The following CHST12 variants were observed in gnomAD, a reference collection of about 807,000 sequenced individuals.
CHST12 encodes the protein carbohydrate sulfotransferase 12, also known as carbohydrate (chondroitin 4) sulfotransferase 12.
In CHST12, 23 loss-of-function variants were observed where a neutral mutation model predicts 27.9. The ratio of observed to expected loss-of-function variants is 0.82; its 90% CI spans 0.59 to 1.17. CHST12 has a LOEUF of 1.17. Ranked by LOEUF, CHST12 falls within the 50% of genes most tolerant of loss-of-function variation. The pLI is 0.00. For missense variants in CHST12, 682 were observed against 603.0 expected, an observed-to-expected ratio of 1.13 and a Z score of -1.37; for synonymous variants, 322 against 273.0, an observed-to-expected ratio of 1.18 and a Z score of -1.77.
rs1366490517 is a variant in CHST12, at chr7:2,438,124, C to T, written c.*4240C>T. 3 of 152,320 alleles carry T rather than the reference C, an allele frequency of 2.0e-5. No homozygotes were observed. The highest frequency in any genetic ancestry group is 7.2e-5 in the African/African-American group (3 of 41,460). 9.4% of individuals were successfully genotyped at this position (152,320 alleles called of 1,614,324 possible). On this transcript the variant is annotated 3_prime_UTR_variant, in exon 2 of 2. Coordinates refer to ENST00000618655, the MANE Select transcript of CHST12 (RefSeq NM_018641.5). ...CTGCTTCCTGGTGCAGACCAGGTCT[C>T]CCCAGAGGGACCCTCCTGAGCTGAG...
At chr7:2,422,866 C>CT (rs576927497) in intron 1 of CHST12, among the ~76,000 whole-genome samples, 1,762 of 136,902 alleles carry the variant, frequency 0.013, 9 homozygotes, top group African/African-American at 0.02. Flanking sequence ...TTCAGAAAAC[C>CT]TTTTTTTTTT....
At chr7:2,416,192 C>G (rs1056147324) in intron 1 of CHST12, among the ~76,000 whole-genome samples, 2 of 152,186 alleles carry the variant, frequency 1.3e-5, no homozygotes, top group Non-Finnish European at 2.9e-5. Flanking sequence ...TCGTAAGAAG[C>G]AACTCTTCAT....
intron 1 of CHST12, among the ~76,000 whole-genome samples, chr7:2,424,585 G>A (rs145289402): frequency 3.3e-5 from 5 of 152,088 alleles, no homozygotes; most frequent in East Asian, 1.9e-4. Flanking sequence ...CGGGCAATCC[G>A]CCTGTTTGTG....
Position 2,437,236 on chromosome 7 carries a change from G to A in CHST12, c.*3352G>A, listed in dbSNP as rs1447522456. ...AGAATGACTTGGTTGGGTGCGGGGT[G>A]GTGTCACAAAGCCCTGTCTCTTGTG... On this transcript the variant is annotated 3_prime_UTR_variant, in exon 2 of 2. Coordinates refer to ENST00000618655, the MANE Select transcript of CHST12 (RefSeq NM_018641.5). The A allele has an allele frequency of 2.0e-5, 3 of 152,258 alleles. No homozygotes were observed. The highest frequency in any genetic ancestry group is 2.9e-5 in the Non-Finnish European group (2 of 68,080). The allele number at this position is 152,258 out of a possible 1,614,324, so 9.4% of individuals were successfully genotyped here. A position where few individuals can be genotyped will look rare whatever the true frequency, so the allele number is the denominator to read the frequency against.
intron 1 of CHST12, chr7:2,404,267 G>A (rs1781461793): frequency 1.3e-5 from 2 of 152,338 alleles, no homozygotes; most frequent in Admixed American, 1.3e-4. Flanking sequence ...TGCCCCTCTG[G>A]GAGAGGAAAC....
intron 1 of CHST12, among the ~76,000 whole-genome samples, chr7:2,422,505 A>T (rs2115417662): frequency 1.3e-5 from 2 of 151,408 alleles, no homozygotes; most frequent in Middle Eastern, 6.8e-3. Flanking sequence ...TCGGCCTCCC[A>T]AGGTTCTGGG....
rs965889394 is a variant in CHST12 at position 2,441,771 on chromosome 7, G to T, written c.*7887G>T. The T allele has an allele frequency of 2.7e-5, 4 of 149,852 alleles. No individual in the cohort carries two copies. Among genetic ancestry groups the T allele is most frequent in the Non-Finnish European group, 5.9e-5 (4 of 67,532 alleles). The allele number at this position is 149,852 out of a possible 1,614,324, so 9.3% of individuals were successfully genotyped here. Reference sequence around the variant, plus strand: ...GTTTAGAAGAGTGGGTTTCTCATAAGAAAAAAAAGAAAAAGGTTGACCTTG... The same window carrying T: ...GTTTAGAAGAGTGGGTTTCTCATAATAAAAAAAAGAAAAAGGTTGACCTTG... On this transcript the variant is annotated 3_prime_UTR_variant, in exon 2 of 2. Coordinates refer to ENST00000618655, the MANE Select transcript of CHST12 (RefSeq NM_018641.5).
chr7:2,407,354 G>A (rs2115380443), intron 1 of CHST12, among the ~76,000 whole-genome samples: 1 of 152,142 alleles, frequency 6.6e-6, no homozygotes, highest in South Asian at 2.1e-4. Flanking sequence ...AGGCTGAGGT[G>A]GGAGGATCAC....
At position 2,417,858 on chromosome 7, in the gene CHST12, G is replaced by A. The variant is rs115129575; in HGVS notation, c.-78+14185G>A. 4.2e-3 allele frequency among the ~76,000 whole-genome samples: 634 copies of A among 152,334 alleles called. 5 individuals carry two copies. The highest frequency in any genetic ancestry group is 0.015 in the African/African-American group (618 of 41,570). ...TTAACCAAATATCTGGGTACCCCAC[G>A]GCCCAGTCCAGTTGACACATAAAAT... On this transcript the variant is annotated intron_variant, in intron 1 of 1. Transcript: ENST00000618655.
chr7:2,425,665 T>G (rs993407720), intron 1 of CHST12, among the ~76,000 whole-genome samples: 1 of 150,334 alleles, frequency 6.7e-6, no homozygotes, highest in Non-Finnish European at 1.5e-5. Flanking sequence ...GTGTGTGTGT[T>G]CAAATGCAAA....
intron 1 of CHST12, among the ~76,000 whole-genome samples, chr7:2,408,390 A>C (rs1294603612): frequency 7.3e-6 from 1 of 136,376 alleles, no homozygotes; most frequent in African/African-American, 2.8e-5. Flanking sequence ...AAAAAAAAAA[A>C]GATCCTTGCG....
rs1157368672 is a variant in CHST12, at chr7:2,447,639, A to G, written c.*13755A>G. 6.6e-6 allele frequency: 1 copy of G among 151,940 alleles called. No homozygotes were observed. The highest frequency in any genetic ancestry group is 1.5e-5 in the Non-Finnish European group (1 of 68,020). 9.4% of individuals were successfully genotyped at this position (151,940 alleles called of 1,614,324 possible). A position where few individuals can be genotyped will look rare whatever the true frequency, so the allele number is the denominator to read the frequency against. On this transcript the variant is annotated 3_prime_UTR_variant, in exon 2 of 2. Coordinates refer to ENST00000618655, the MANE Select transcript of CHST12 (RefSeq NM_018641.5). ...AGGCATGTGCCACCAAGCCCAGCTAATTTTTGTATTTTTAGTAGAGATGAG... is the reference window on the plus strand; with the variant it reads ...AGGCATGTGCCACCAAGCCCAGCTAGTTTTTGTATTTTTAGTAGAGATGAG...
In CHST12 at chr7:2,441,886, T is replaced by C. The variant is rs1338457517; in HGVS notation, c.*8002T>C. The C allele has an allele frequency of 1.3e-5, 2 of 152,154 alleles. No individual in the cohort carries two copies. The highest frequency in any genetic ancestry group is 2.4e-5 in the African/African-American group (1 of 41,436). 9.4% of individuals were successfully genotyped at this position (152,154 alleles called of 1,614,324 possible). A position where few individuals can be genotyped will look rare whatever the true frequency, so the allele number is the denominator to read the frequency against. ...CTTTTAAAAGTTGTGGTAAGATACA[T>C]GCAACATAAAATGTGCCCTCTTCCC... On this transcript the variant is annotated 3_prime_UTR_variant, in exon 2 of 2. Transcript: ENST00000618655.
chr7:2,420,193 T>C (rs1781932782), intron 1 of CHST12, among the ~76,000 whole-genome samples: 1 of 151,352 alleles, frequency 6.6e-6, no homozygotes, highest in Non-Finnish European at 1.5e-5. Context: ...CAGGATGGTC[T>C]TGATCTCCTG....
chr7:2,405,769 G>C (rs948232503), intron 1 of CHST12, among the ~76,000 whole-genome samples: 1 of 152,160 alleles, frequency 6.6e-6, no homozygotes, highest in Non-Finnish European at 1.5e-5. Context: ...GATGAGGAGC[G>C]CTGCGGCCAG....
intron 1 of CHST12, among the ~76,000 whole-genome samples, chr7:2,409,645 C>A (rs1236559315): frequency 6.6e-6 from 1 of 150,600 alleles, no homozygotes; most frequent in Admixed American, 6.6e-5. Flanking sequence ...AAAAAAGAAT[C>A]ATGGAGAAGG....
intron 1 of CHST12, among the ~76,000 whole-genome samples, chr7:2,407,755 C>T (rs1357680213): frequency 6.6e-6 from 1 of 151,834 alleles, no homozygotes; most frequent in Non-Finnish European, 1.5e-5. Flanking sequence ...CATGATGAAA[C>T]CCCATCTCTA....
rs778736672 is a variant in CHST12 at position 2,433,433 on chromosome 7, A to G, written c.794A>G (p.Glu265Gly). The change falls in exon 2 of 2, where the codon GAG becomes GGG. Residue 265 changes from glutamate to glycine, a missense_variant. Glu to Gly is a moderately conservative substitution (Grantham distance 98). Coordinates refer to ENST00000618655, the MANE Select transcript of CHST12 (RefSeq NM_018641.5). The surrounding 1 kb of genome is among the most constrained non-coding windows in gnomAD (Gnocchi z 6.1). ...FRSKFELENEEFYRKFAVPML... is the reference protein window; with the variant it reads ...FRSKFELENEGFYRKFAVPML... The stretch of plus-strand genomic sequence containing the variant: ...AGCAAGTTCGAGCTGGAGAACGAGG[A>G]GTTCTACCGCAAGTTCGCCGTGCCC... 1.2e-6 allele frequency: 2 copies of G among 1,609,788 alleles called. No individual in the cohort carries two copies. The highest frequency in any genetic ancestry group is 8.5e-7 in the Non-Finnish European group (1 of 1,179,906).
In CHST12 at chr7:2,432,542, AGT is replaced by A; in HGVS notation, c.-77-16_-77-15del. On this transcript the variant is annotated intron_variant, in intron 1 of 1. Transcript: ENST00000618655. ...CCCCAGTGCACCTCAGTCATTAACTAGTGTGTCATTGCATCTGCAGGTTCCCA... is the reference window on the plus strand; with the variant it reads ...CCCCAGTGCACCTCAGTCATTAACTAGTGTCATTGCATCTGCAGGTTCCCA... The A allele has an allele frequency of 7.6e-7, 1 of 1,315,478 alleles. No individual in the cohort carries two copies. The highest frequency in any genetic ancestry group is 1.0e-6 in the Non-Finnish European group (1 of 965,936). The allele number at this position is 1,315,478 out of a possible 1,614,324, so 81.5% of individuals were successfully genotyped here.
Sources: allele counts gnomAD v4.1 joint callset (sites outside exome capture counted in the v4.1 genomes callset), GRCh38; gene constraint gnomAD v4.1.1; non-coding constraint Gnocchi (gnomAD v3.1); transcripts MANE v1.5; gene names NCBI Gene and HGNC (gene_info 2026-07-23, HGNC 2026-07-21).